The following RTL9 variants were observed in gnomAD, a reference collection of about 807,000 sequenced individuals.
RTL9 encodes retrotransposon Gag-like protein 9.
In RTL9, 19 loss-of-function variants were observed where a neutral mutation model predicts 44.7. The ratio of observed to expected loss-of-function variants is 0.42; its 90% CI spans 0.30 to 0.62. The LOEUF (loss-of-function observed/expected upper bound fraction) is 0.62. RTL9 is among the 20% of genes least tolerant of loss of function. The pLI is 0.16. For synonymous variants in RTL9, 407 were observed against 398.9 expected (o/e 1.02, Z -0.24); for missense variants, 1,105 against 1,080.6 (o/e 1.02, Z -0.32).
chrX:110,450,866 C>T, exon 1 of RTL9: 5 of 1,211,940 alleles, frequency 4.1e-6, no homozygotes, highest in Non-Finnish European at 5.6e-6. Flanking sequence ...GAGTACCAAA[C>T]TCTGGAGCAT....
At chrX:110,430,880 C>T (rs1319416065) in intron 1 of RTL9, among the ~76,000 whole-genome samples, 1 of 112,133 alleles carries the variant, frequency 8.9e-6, no homozygotes, top group Non-Finnish European at 1.9e-5. Flanking sequence ...AGACATCTTT[C>T]ACCTTGTGTT....
chrX:110,429,629 C>A (rs899667643), intron 1 of RTL9, among the ~76,000 whole-genome samples: 2 of 109,851 alleles, frequency 1.8e-5, no homozygotes, highest in African/African-American at 6.7e-5. Flanking sequence ...ATTACGGGCC[C>A]ATGCCACCAT....
At chrX:110,383,161 A>C (rs1412965185) in intron 1 of RTL9, among the ~76,000 whole-genome samples, 1 of 111,457 alleles carries the variant, frequency 9.0e-6, no homozygotes, top group African/African-American at 3.3e-5. Flanking sequence ...TTAAGATTGC[A>C]CCCAACCTGA....
intron 1 of RTL9, among the ~76,000 whole-genome samples, chrX:110,434,530 G>C (rs1274750225): frequency 9.0e-6 from 1 of 111,523 alleles, no homozygotes; most frequent in Non-Finnish European, 1.9e-5. Flanking sequence ...CCTCAGGGCT[G>C]GCTGTCATGG....
intron 1 of RTL9, among the ~76,000 whole-genome samples, chrX:110,429,346 C>A (rs982846239): frequency 2.7e-5 from 3 of 110,945 alleles, no homozygotes; most frequent in African/African-American, 9.9e-5. Context: ...TGCCAAAAAA[C>A]AGTAGACACT....
intron 1 of RTL9, among the ~76,000 whole-genome samples, chrX:110,405,858 G>A (rs1183132067): frequency 9.0e-6 from 1 of 111,621 alleles, no homozygotes. Flanking sequence ...ACCATGGTGT[G>A]CAAGTCCTTG....
At chrX:110,451,019 G>T (rs1377546991) in exon 1 of RTL9, 1 of 1,211,865 alleles carries the variant, frequency 8.3e-7, no homozygotes, top group Admixed American at 2.2e-5. Context: ...CCACTTCAGA[G>T]TATGGGGTAA....
At chrX:110,455,090 G>C (rs1010386520) in intron 1 of RTL9, 112 bp from the exon 4 acceptor site, 1 of 1,020,234 alleles carries the variant, frequency 9.8e-7, no homozygotes, top group Non-Finnish European at 1.3e-6. Context: ...ATGCAAGTGA[G>C]ATAAATTAGC....
At chrX:110,422,488 G>A (rs2068724564) in intron 1 of RTL9, among the ~76,000 whole-genome samples, 1 of 112,798 alleles carries the variant, frequency 8.9e-6, no homozygotes, top group South Asian at 3.6e-4. Context: ...CCCAGTTGTG[G>A]CAAATCACCC....
chrX:110,451,774 C>T (rs2068942973), exon 1 of RTL9: 3 of 1,210,103 alleles, frequency 2.5e-6, no homozygotes, highest in Middle Eastern at 2.3e-4. Flanking sequence ...GAAATGATGT[C>T]TAATCCGCCA....
intron 1 of RTL9, among the ~76,000 whole-genome samples, chrX:110,374,489 A>G (rs1210115773): frequency 1.8e-5 from 2 of 111,772 alleles, no homozygotes; most frequent in African/African-American, 3.2e-5. Flanking sequence ...CATCACCACT[A>G]TTGATTTCTA....
At position 110,445,283 on chromosome X, in the gene RTL9, T is replaced by C. The variant is rs755008847; in HGVS notation, c.-52+15T>C. 8.9e-6 allele frequency: 1 copy of C among 112,634 alleles called. No homozygotes were observed. Among genetic ancestry groups the C allele is most frequent in the Non-Finnish European group, 1.9e-5 (1 of 53,306 alleles). The allele number at this position is 112,634 out of a possible 1,213,427, so 9.3% of individuals were successfully genotyped here. A position where few individuals can be genotyped will look rare whatever the true frequency, so the allele number is the denominator to read the frequency against. ...TGAGAGCCAAGGTAAGTTACTTCAT[T>C]TTAATTTCTCTCTAGTTCAGTTCTT... On this transcript the variant is annotated intron_variant, in intron 2 of 3. Transcript: ENST00000465301.
At chrX:110,451,475 A>G in exon 1 of RTL9, 1 of 1,211,483 alleles carries the variant, frequency 8.3e-7, no homozygotes, top group South Asian at 1.8e-5. Flanking sequence ...CCCAGCCAAC[A>G]AGCACCCAAA....
At chrX:110,369,731 C>T (rs2068324500) in intron 1 of RTL9, among the ~76,000 whole-genome samples, 1 of 111,960 alleles carries the variant, frequency 8.9e-6, no homozygotes. Flanking sequence ...ACACACATAT[C>T]TCCATGTGTA....
intron 1 of RTL9, among the ~76,000 whole-genome samples, chrX:110,373,110 C>T (rs2068350934): frequency 8.9e-6 from 1 of 111,793 alleles, no homozygotes; most frequent in African/African-American, 3.3e-5. Flanking sequence ...TTATAAACCC[C>T]ATTTTATAAG....
chrX:110,376,023 C>T (rs768326377), intron 1 of RTL9, among the ~76,000 whole-genome samples: 1 of 111,624 alleles, frequency 9.0e-6, no homozygotes, highest in South Asian at 3.9e-4. Flanking sequence ...GTCACATTCT[C>T]ATTTTAGTGA....
intron 1 of RTL9, among the ~76,000 whole-genome samples, chrX:110,407,038 C>T (rs1316140200): frequency 9.0e-6 from 1 of 111,529 alleles, no homozygotes; most frequent in Non-Finnish European, 1.9e-5. Flanking sequence ...TCCTTTTCCT[C>T]GGAAAGCTCT....
chrX:110,371,037 C>T (rs1330650574), intron 1 of RTL9, among the ~76,000 whole-genome samples: 1 of 111,497 alleles, frequency 9.0e-6, no homozygotes, highest in Non-Finnish European at 1.9e-5. Flanking sequence ...CAATATGGCT[C>T]TGTCTGTATA....
At chrX:110,404,877 T>C (rs903093840) in intron 1 of RTL9, among the ~76,000 whole-genome samples, 4 of 111,862 alleles carry the variant, frequency 3.6e-5, no homozygotes, top group African/African-American at 1.3e-4. Context: ...AAATGTGTTA[T>C]ATTAATAACC....
Sources: allele counts gnomAD v4.1 joint callset (sites outside exome capture counted in the v4.1 genomes callset), GRCh38; gene constraint gnomAD v4.1.1; transcripts MANE v1.5; gene names NCBI Gene and HGNC (gene_info 2026-07-23, HGNC 2026-07-21).